Variants in MPP7 observed in about 807,000 individuals in gnomAD.
MPP7 encodes the protein MAGUK p55 scaffold protein 7, also known as MAGUK p55 subfamily member 7.
A neutral mutation model predicts 76.5 loss-of-function variants in MPP7; 60 were observed. The ratio of observed to expected loss-of-function variants is 0.78; its 90% CI spans 0.64 to 0.97. MPP7 has a LOEUF of 0.97. MPP7 is among the 50% of genes least tolerant of loss of function. MPP7 has a pLI of 0.00. For missense variants in MPP7, 641 were observed against 694.0 expected (o/e 0.92, Z 0.86); for synonymous variants, 237 against 244.5 (o/e 0.97, Z 0.29).
Position 28,056,399 on chromosome 10 carries a change from T to C in MPP7, c.1551+81A>G, listed in dbSNP as rs915641958. On this transcript the variant is annotated intron_variant, in intron 16 of 16. Transcript: ENST00000683449. ...GTCTTGAACTCCTGGACTCAAATGA[T>C]CCTCCTGCTTCGGCCTCCCAAAGTG... 13 of 1,419,242 alleles carry C rather than the reference T, an allele frequency of 9.2e-6. No homozygotes were observed. In the African/African-American group the frequency reaches 1.8e-4, roughly 19 times the overall value. The allele number at this position is 1,419,242 out of a possible 1,614,324, so 87.9% of individuals were successfully genotyped here.
At chr10:28,129,622 T>C (rs1450632617) in intron 6 of MPP7, among the ~76,000 whole-genome samples, 1 of 152,040 alleles carries the variant, frequency 6.6e-6, no homozygotes, top group Non-Finnish European at 1.5e-5. Context: ...ATTTATTTCC[T>C]ATAAACTGCC....
chr10:28,193,136 G>T lies in MPP7; in HGVS notation c.156+9017C>A, dbSNP rs369548860. 3.3e-5 allele frequency among the ~76,000 whole-genome samples: 5 copies of T among 151,978 alleles called. No homozygotes were observed. In the East Asian group the frequency reaches 7.7e-4, roughly 23 times the overall value. The stretch of plus-strand genomic sequence containing the variant: ...TAAACGCAAAACTGTAAAACTTCTA[G>T]GAGATAACACAAGAATATCTAAGTG... On this transcript the variant is annotated intron_variant, in intron 3 of 16. Transcript: ENST00000683449.
At chr10:28,301,497 G>A (rs746700656) in intron 1 of MPP7, among the ~76,000 whole-genome samples, 4 of 152,168 alleles carry the variant, frequency 2.6e-5, no homozygotes, top group Non-Finnish European at 5.9e-5. Context: ...TTCTTTACTT[G>A]AAAATAACCA....
At chr10:28,073,453 T>C (rs1213417613) in intron 12 of MPP7, among the ~76,000 whole-genome samples, 1 of 152,114 alleles carries the variant, frequency 6.6e-6, no homozygotes. Context: ...TAGTTTCCAG[T>C]GGGTCTCCCA....
Position 28,257,876 on chromosome 10 carries a change from C to A in MPP7, c.-131-19141G>T, listed in dbSNP as rs779151529. Among the ~76,000 whole-genome samples the A allele has an allele frequency of 1.6e-3, 245 of 152,084 alleles. 1 individual carries two copies. The highest frequency in any genetic ancestry group is 2.6e-3 in the Non-Finnish European group (175 of 67,976). On this transcript the variant is annotated intron_variant, in intron 1 of 16. Transcript: ENST00000683449. Reference sequence around the variant, plus strand: ...GTGATATCTCCACATTTCTGACAAACCCCCATGAACATTAAATTTTGTTTA... The same window carrying A: ...GTGATATCTCCACATTTCTGACAAAACCCCATGAACATTAAATTTTGTTTA...
intron 1 of MPP7, among the ~76,000 whole-genome samples, chr10:28,299,969 G>A (rs538375513): frequency 4.1e-4 from 62 of 151,874 alleles, no homozygotes; most frequent in African/African-American, 1.3e-3. Context: ...GGGTTTCACC[G>A]TGTTAGCCAG....
intron 1 of MPP7, among the ~76,000 whole-genome samples, chr10:28,262,192 T>TATATATATATAC (rs1564741059): frequency 0.034 from 640 of 18,954 alleles, 52 homozygotes; most frequent in Non-Finnish European, 0.061. Flanking sequence ...AAATTATATA[T>TATATATATATAC]ATATATATAT....
intron 1 of MPP7, among the ~76,000 whole-genome samples, chr10:28,296,868 T>C (rs980210932): frequency 1.3e-5 from 2 of 152,226 alleles, no homozygotes; most frequent in Non-Finnish European, 2.9e-5. Flanking sequence ...ACTTTACCAG[T>C]TCTTTTAAAG....
chr10:28,077,924 C>G (rs1396226077), intron 12 of MPP7, among the ~76,000 whole-genome samples: 1 of 152,156 alleles, frequency 6.6e-6, no homozygotes, highest in Non-Finnish European at 1.5e-5. Context: ...TGACATGGTT[C>G]ACATACACTG....
At chr10:28,214,099 C>T (rs1234138725) in intron 2 of MPP7, among the ~76,000 whole-genome samples, 4 of 152,158 alleles carry the variant, frequency 2.6e-5, no homozygotes, top group Non-Finnish European at 5.9e-5. Context: ...TATATTTCTA[C>T]ACTGCTTGAG....
At chr10:28,067,986 C>T (rs1193230381) in intron 13 of MPP7, among the ~76,000 whole-genome samples, 1 of 152,100 alleles carries the variant, frequency 6.6e-6, no homozygotes, top group Non-Finnish European at 1.5e-5. Flanking sequence ...CCATCTTATA[C>T]TTGACTGGGA....
chr10:28,107,791 C>T (rs898761007), intron 11 of MPP7, among the ~76,000 whole-genome samples: 7 of 152,144 alleles, frequency 4.6e-5, no homozygotes, highest in African/African-American at 1.7e-4. Context: ...CCAAGCTGAC[C>T]CAGGCCAGAA....
intron 2 of MPP7, among the ~76,000 whole-genome samples, chr10:28,203,834 A>G (rs1398932697): frequency 1.3e-5 from 2 of 152,218 alleles, no homozygotes; most frequent in Non-Finnish European, 2.9e-5. Flanking sequence ...TTACAGTTTA[A>G]TTAAGGAGAC....
At chr10:28,106,484 C>T (rs1022472834) in intron 11 of MPP7, among the ~76,000 whole-genome samples, 3 of 151,968 alleles carry the variant, frequency 2.0e-5, no homozygotes, top group Admixed American at 6.6e-5. Flanking sequence ...GTTTAGCCAA[C>T]GGTTATTTAG....
At chr10:28,275,072 C>T (rs1840449813) in intron 1 of MPP7, among the ~76,000 whole-genome samples, 1 of 152,134 alleles carries the variant, frequency 6.6e-6, no homozygotes. Flanking sequence ...ATTGTTGAAC[C>T]TGAAAATGCT....
chr10:28,107,386 C>T (rs938154695), intron 11 of MPP7, among the ~76,000 whole-genome samples: 4 of 152,138 alleles, frequency 2.6e-5, no homozygotes, highest in African/African-American at 4.8e-5. Context: ...ATAATCCCTA[C>T]TGTCTGATTG....
intron 3 of MPP7, among the ~76,000 whole-genome samples, chr10:28,168,480 A>G (rs927061744): frequency 6.6e-6 from 1 of 151,986 alleles, no homozygotes; most frequent in African/African-American, 2.4e-5. Flanking sequence ...TTTTCACACC[A>G]ATTTTTATGG....
intron 11 of MPP7, among the ~76,000 whole-genome samples, chr10:28,106,420 C>T (rs1408027902): frequency 6.6e-6 from 1 of 152,080 alleles, no homozygotes; most frequent in African/African-American, 2.4e-5. Context: ...CTTGGCATCT[C>T]CAAACTGGAG....
chr10:28,134,652 G>C (rs760134585), intron 5 of MPP7, among the ~76,000 whole-genome samples: 1 of 152,104 alleles, frequency 6.6e-6, no homozygotes, highest in Non-Finnish European at 1.5e-5. Context: ...GAAGTGATGA[G>C]AGAAAGACTC....
Sources: gnomAD v4.1 joint callset for allele counts (sites outside exome capture counted in the v4.1 genomes callset) on GRCh38, gnomAD v4.1.1 for gene constraint, MANE v1.5 for transcripts, NCBI Gene and HGNC (gene_info 2026-07-23, HGNC 2026-07-21) for gene names.